The following TRPM3 variants were observed in gnomAD, a reference collection of about 807,000 sequenced individuals.
TRPM3 encodes long transient receptor potential channel 3.
TRPM3 carries 77 observed loss-of-function variants against 181.2 expected under a neutral mutation model. That is an observed-to-expected ratio of 0.42 (90% CI 0.35 to 0.51). TRPM3 has a LOEUF of 0.51. Among genes scored for constraint, TRPM3 ranks in the 20% least tolerant of loss-of-function variants. The pLI, the probability that TRPM3 is intolerant of heterozygous loss-of-function variation, is 0.01. For synonymous variants in TRPM3, 745 were observed against 796.4 expected (o/e 0.94, Z 1.09); for missense variants, 1,759 against 2,196.7 (o/e 0.80, Z 3.98).
intron 1 of TRPM3, among the ~76,000 whole-genome samples, chr9:71,176,189 G>A (rs1209495570): frequency 6.6e-6 from 1 of 152,084 alleles, no homozygotes. Flanking sequence ...CCTCAGGCAG[G>A]TCCTTCAGGA....
intron 8 of TRPM3, among the ~76,000 whole-genome samples, chr9:70,753,975 T>C (rs557366673): frequency 8.6e-4 from 131 of 152,178 alleles, no homozygotes; most frequent in Non-Finnish European, 1.1e-3. Context: ...CCATGACTTG[T>C]TTAGGGCCAC....
At position 70,536,401 on chromosome 9, in the gene TRPM3, G is replaced by A. The variant is rs1217262656; in HGVS notation, c.4712C>T (p.Pro1571Leu). 3.1e-6 allele frequency: 5 copies of A among 1,614,062 alleles called. No homozygotes were observed. Among genetic ancestry groups the A allele is most frequent in the Non-Finnish European group, 3.4e-6 (4 of 1,179,994 alleles). ...DCIDTRCVNAPQAIADRAAFP... is the reference protein window; with the variant it reads ...DCIDTRCVNALQAIADRAAFP... ...GGCAGCTCTGTCCGCAATTGCTTGAGGGGCATTGACACACCTTGTGTCAAT... is the reference window on the plus strand; with the variant it reads ...GGCAGCTCTGTCCGCAATTGCTTGAAGGGCATTGACACACCTTGTGTCAAT... The change falls in exon 26 of 26, where the codon CCT becomes CTT. Residue 1571 changes from proline (P) to leucine (L), a missense_variant. Coordinates refer to ENST00000677713, the MANE Select transcript of TRPM3 (RefSeq NM_001366145.2).
intron 1 of TRPM3, among the ~76,000 whole-genome samples, chr9:71,386,190 C>T (rs1053626062): frequency 6.6e-6 from 1 of 152,018 alleles, no homozygotes; most frequent in Admixed American, 6.5e-5. Flanking sequence ...GTGGCTCCTG[C>T]CTGTAATCCC....
chr9:71,254,310 A>G (rs1370508946), intron 1 of TRPM3, among the ~76,000 whole-genome samples: 3 of 152,188 alleles, frequency 2.0e-5, no homozygotes, highest in Non-Finnish European at 4.4e-5. Flanking sequence ...CATTGAATTC[A>G]TAGACGAAAA....
intron 1 of TRPM3, among the ~76,000 whole-genome samples, chr9:70,893,802 A>G (rs1456635956): frequency 6.6e-6 from 1 of 152,198 alleles, no homozygotes; most frequent in Non-Finnish European, 1.5e-5. Context: ...ATCAGAAAAG[A>G]TTTACATCAA....
chr9:70,795,833 C>T (rs924416889), intron 6 of TRPM3, among the ~76,000 whole-genome samples: 2 of 152,180 alleles, frequency 1.3e-5, no homozygotes, highest in Admixed American at 6.5e-5. Context: ...AAATATTCCG[C>T]TATTAATGTC....
At chr9:71,420,052 CT>C (rs935388605) in intron 1 of TRPM3, among the ~76,000 whole-genome samples, 23 of 152,096 alleles carry the variant, frequency 1.5e-4, no homozygotes, top group African/African-American at 5.1e-4. Context: ...TTAAAGTTTT[CT>C]GTTATACCTC....
intron 9 of TRPM3, among the ~76,000 whole-genome samples, chr9:70,650,185 C>T (rs2059425729): frequency 1.3e-5 from 2 of 152,064 alleles, no homozygotes; most frequent in Non-Finnish European, 2.9e-5. Context: ...AGGGTGAAGA[C>T]TGAAAAACTA....
intron 1 of TRPM3, among the ~76,000 whole-genome samples, chr9:71,395,682 AC>A (rs2093173878): frequency 6.6e-6 from 1 of 152,270 alleles, no homozygotes; most frequent in Admixed American, 6.5e-5. Flanking sequence ...CAAAATGTTG[AC>A]TAAGGTCTTA....
At chr9:71,225,262 T>C (rs2080522254) in intron 1 of TRPM3, among the ~76,000 whole-genome samples, 1 of 151,968 alleles carries the variant, frequency 6.6e-6, no homozygotes, top group African/African-American at 2.4e-5. Flanking sequence ...AGAGCTCCAA[T>C]ATGTCTTGTC....
chr9:70,540,538 G>A (rs535312197), intron 25 of TRPM3, among the ~76,000 whole-genome samples: 4 of 152,206 alleles, frequency 2.6e-5, no homozygotes, highest in South Asian at 2.1e-4. Flanking sequence ...CCAAAAACAC[G>A]TAACAGAAGA....
intron 9 of TRPM3, among the ~76,000 whole-genome samples, chr9:70,662,460 C>T (rs2061263455): frequency 6.6e-6 from 1 of 151,930 alleles, no homozygotes; most frequent in Non-Finnish European, 1.5e-5. Flanking sequence ...AACAGACAAC[C>T]CACAGAGCGG....
intron 1 of TRPM3, among the ~76,000 whole-genome samples, chr9:71,092,942 C>T (rs746095140): frequency 5.9e-5 from 9 of 152,238 alleles, no homozygotes; most frequent in East Asian, 1.9e-4. Flanking sequence ...AATACCACCA[C>T]GCATCTACAA....
At chr9:70,819,757 A>G (rs1051153419) in intron 6 of TRPM3, among the ~76,000 whole-genome samples, 2 of 152,236 alleles carry the variant, frequency 1.3e-5, no homozygotes, top group Non-Finnish European at 2.9e-5. Flanking sequence ...TAACAAAGTC[A>G]GAAAATTCTA....
At chr9:71,244,274 T>C (rs923368531) in intron 1 of TRPM3, among the ~76,000 whole-genome samples, 6 of 152,160 alleles carry the variant, frequency 3.9e-5, no homozygotes, top group Non-Finnish European at 2.9e-5. Context: ...TAGAGCTTTC[T>C]AAAGCATGGG....
At chr9:71,086,352 G>T (rs2065258680) in intron 1 of TRPM3, among the ~76,000 whole-genome samples, 1 of 151,744 alleles carries the variant, frequency 6.6e-6, no homozygotes, top group Non-Finnish European at 1.5e-5. Context: ...TGAAAAAAAA[G>T]AAAGAATTTT....
At position 70,986,286 on chromosome 9, in the gene TRPM3, T is replaced by C. The variant is rs539954398; in HGVS notation, c.178-121775A>G. On this transcript the variant is annotated intron_variant, in intron 1 of 25. Coordinates refer to ENST00000677713, the MANE Select transcript of TRPM3 (RefSeq NM_001366145.2). ...GGCTGAGGCAGGAAGATCACTTGAA[T>C]CCAGAAGTTCAAGGCTGCACTGAGC... Among the ~76,000 whole-genome samples the C allele has an allele frequency of 2.0e-5, 3 of 152,152 alleles. No homozygotes were observed. The South Asian group carries it at 6.2e-4, about 32-fold the overall frequency.
intron 18 of TRPM3, among the ~76,000 whole-genome samples, chr9:70,614,315 TAAA>T (rs11324706): frequency 2.4e-4 from 31 of 126,584 alleles, no homozygotes; most frequent in South Asian, 2.8e-4. Context: ...GGCAATCTCT[TAAA>T]AAAAAAAAAA....
chr9:71,239,955 A>G (rs1282911665), intron 1 of TRPM3, among the ~76,000 whole-genome samples: 1 of 152,116 alleles, frequency 6.6e-6, no homozygotes. Flanking sequence ...GAAAAAAAGG[A>G]ATTTCATTAG....
Sources: gnomAD v4.1 joint callset for allele counts (sites outside exome capture counted in the v4.1 genomes callset) on GRCh38, gnomAD v4.1.1 for gene constraint, MANE v1.5 for transcripts, NCBI Gene and HGNC (gene_info 2026-07-23, HGNC 2026-07-21) for gene names.